Variants in CYP4F22 observed in about 807,000 individuals in gnomAD.
The protein encoded by CYP4F22 is cytochrome P450 family 4 subfamily F member 22, also known as ultra-long-chain fatty acid omega-hydroxylase.
Under a neutral mutation model 60.4 loss-of-function variants are expected in CYP4F22, and 37 were observed. The observed-to-expected ratio is 0.61, with a 90% CI of 0.47 to 0.81. The LOEUF (loss-of-function observed/expected upper bound fraction) is 0.81, where lower values mean the gene tolerates loss of function less well. Among genes scored for constraint, CYP4F22 ranks in the 30% least tolerant of loss-of-function variants. The pLI, the probability that CYP4F22 is intolerant of heterozygous loss-of-function variation, is 0.00. For missense variants in CYP4F22, 655 were observed against 715.0 expected (o/e 0.92, Z 0.96); for synonymous variants, 258 against 280.5 (o/e 0.92, Z 0.80).
intron 3 of CYP4F22, 132 bp from the exon 4 acceptor site, chr19:15,529,577 G>A (rs530903531): frequency 1.6e-6 from 2 of 1,258,246 alleles, no homozygotes; most frequent in South Asian, 1.3e-5. Flanking sequence ...CCAGGGAGGT[G>A]CAGCCAACTG....
Position 15,529,804 on chromosome 19 carries a change from G to A in CYP4F22, c.318G>A (p.Leu106=), listed in dbSNP as rs376599468. The A allele has an allele frequency of 1.9e-6, 3 of 1,614,046 alleles. No homozygotes were observed. Among genetic ancestry groups the A allele is most frequent in the African/African-American group, 1.3e-5 (1 of 74,904 alleles). ...TATGGATGGGACCTGTCCTGCCGCT[G>A]TTGGTTCTGGTGCACCCTGATTACA... The part of the protein sequence containing the change: ...LLVWMGPVLP[L]LVLVHPDYIK... The change falls in exon 4 of 14, where the codon CTG becomes CTA. Residue 106 remains leucine, a synonymous_variant. Transcript: ENST00000269703.
intron 12 of CYP4F22, among the ~76,000 whole-genome samples, chr19:15,550,250 G>T (rs573900942): frequency 2.6e-5 from 4 of 152,010 alleles, no homozygotes; most frequent in Non-Finnish European, 5.9e-5. Context: ...CTATGATCGC[G>T]CTTCTGCACT....
intron 1 of CYP4F22, among the ~76,000 whole-genome samples, chr19:15,514,249 G>A (rs941076696): frequency 6.6e-6 from 1 of 152,136 alleles, no homozygotes; most frequent in South Asian, 2.1e-4. Context: ...AAATGGTGCT[G>A]GGTTAGTCAA....
Position 15,548,145 on chromosome 19 carries a change from A to G in CYP4F22, c.1174A>G (p.Ile392Val). The change falls in exon 11 of 14, where the codon ATT becomes GTT. Residue 392 changes from isoleucine to valine, a missense_variant. By Grantham distance (29) the Ile-to-Val change is conservative (BLOSUM62 3). Coordinates refer to ENST00000269703, the MANE Select transcript of CYP4F22 (RefSeq NM_173483.4). The part of the protein sequence containing the change: ...LTQLPFTTMC[I>V]KESLRQYPPV... Reference sequence around the variant, plus strand: ...TCAGCTGCCCTTTACAACTATGTGCATTAAGGAGAGCCTGCGCCAGTACCC... The same window carrying G: ...TCAGCTGCCCTTTACAACTATGTGCGTTAAGGAGAGCCTGCGCCAGTACCC... 1 of 1,613,838 alleles carries G rather than the reference A, an allele frequency of 6.2e-7. No individual in the cohort carries two copies. Among genetic ancestry groups the G allele is most frequent in the Non-Finnish European group, 8.5e-7 (1 of 1,179,980 alleles).
intron 4 of CYP4F22, among the ~76,000 whole-genome samples, chr19:15,532,564 T>G (rs144185920): frequency 8.2e-4 from 124 of 151,814 alleles, no homozygotes; most frequent in Middle Eastern, 6.8e-3. Flanking sequence ...TTTTTTTCAG[T>G]AGAGACGGGG....
At chr19:15,526,732 T>C (rs959300184) in intron 3 of CYP4F22, among the ~76,000 whole-genome samples, 1 of 151,504 alleles carries the variant, frequency 6.6e-6, no homozygotes, top group Non-Finnish European at 1.5e-5. Flanking sequence ...CTAGATGAGA[T>C]AGGCTAGACT....
intron 3 of CYP4F22, among the ~76,000 whole-genome samples, chr19:15,526,140 G>C (rs141106124): frequency 5.9e-4 from 89 of 152,122 alleles, no homozygotes; most frequent in African/African-American, 2.1e-3. Flanking sequence ...ATTCTAGCCT[G>C]GGTGACCTAG....
intron 3 of CYP4F22, among the ~76,000 whole-genome samples, chr19:15,526,334 G>A (rs1218094390): frequency 6.6e-6 from 1 of 152,142 alleles, no homozygotes; most frequent in Non-Finnish European, 1.5e-5. Context: ...GTGGTCCTAG[G>A]TGAGGACTCT....
At chr19:15,543,091 A>G (rs184536173) in intron 8 of CYP4F22, among the ~76,000 whole-genome samples, 190 of 152,284 alleles carry the variant, frequency 1.2e-3, no homozygotes, top group African/African-American at 4.3e-3. Flanking sequence ...TGCTGGGTCA[A>G]GTGGTATTTC....
At chr19:15,544,962 G>GA (rs1971504373) in intron 10 of CYP4F22, among the ~76,000 whole-genome samples, 1 of 152,194 alleles carries the variant, frequency 6.6e-6, no homozygotes, top group South Asian at 2.1e-4. Context: ...TCGGGAGGCT[G>GA]AGACAGGAGA....
At chr19:15,541,335 C>T (rs557243953) in intron 8 of CYP4F22, among the ~76,000 whole-genome samples, 59 of 152,284 alleles carry the variant, frequency 3.9e-4, no homozygotes, top group Non-Finnish European at 6.5e-4. Context: ...GGCCTTGCTC[C>T]CTGGCTTGCA....
rs780704118 is a variant in CYP4F22 at position 15,537,563 on chromosome 19, C to G, written c.450C>G (p.Asp150Glu). Residue 150 changes from aspartate (D) to glutamate (E), a missense_variant, in exon 6 of 14, where the codon GAC becomes GAG. By Grantham distance (45) the Asp-to-Glu change is conservative (BLOSUM62 2). Around this residue, in one of 3 missense-constraint regions of CYP4F22, gnomAD observed 430 missense variants for 457.1 expected, o/e 0.94. Transcript: ENST00000269703. ...LGDGLLLSKGDKWSRHRRLLT... is the reference protein window; with the variant it reads ...LGDGLLLSKGEKWSRHRRLLT... ...ATGGGCTGCTGCTCAGCAAAGGTGA[C>G]AAGTGGAGCCGGCACCGTCGCCTGC... 4.3e-6 allele frequency: 7 copies of G among 1,614,184 alleles called. No homozygotes were observed. Among genetic ancestry groups the G allele is most frequent in the Non-Finnish European group, 5.9e-6 (7 of 1,180,038 alleles).
Position 15,509,895 on chromosome 19 carries a change from TCC to T in CYP4F22, c.-109+1313_-109+1314del, listed in dbSNP as rs1568350778. Among the ~76,000 whole-genome samples, 399 of 121,828 alleles carry T rather than the reference TCC, an allele frequency of 3.3e-3. 4 individuals carry two copies. Among genetic ancestry groups the T allele is most frequent in the East Asian group, 0.026 (91 of 3,456 alleles). The allele number at this position is 121,828 out of a possible 152,430, so 79.9% of individuals were successfully genotyped here. ...TTCCTTCCTTCCTTCCTTCCTTCCT[TCC>T]TTCCTTCCTTTCTTTCTTTCCTTCC... On this transcript the variant is annotated intron_variant, in intron 1 of 13. Transcript: ENST00000269703.
chr19:15,534,988 C>A (rs967099463), intron 4 of CYP4F22, among the ~76,000 whole-genome samples: 2 of 152,132 alleles, frequency 1.3e-5, no homozygotes, highest in African/African-American at 4.8e-5. Flanking sequence ...TGAACTTGTA[C>A]TTTATCCTGG....
At position 15,532,573 on chromosome 19, in the gene CYP4F22, G is replaced by A. The variant is rs562263459; in HGVS notation, c.367+2720G>A. 2.0e-4 allele frequency among the ~76,000 whole-genome samples: 30 copies of A among 151,944 alleles called. No individual in the cohort carries two copies. In the South Asian group the frequency reaches 6.3e-3, roughly 32 times the overall value. On this transcript the variant is annotated intron_variant, in intron 4 of 13. Transcript: ENST00000269703. Reference sequence around the variant, plus strand: ...TATTTTTTTTTTTCAGTAGAGACGGGGCTGCACCATATTGGCCAGGCTGGT... The same window carrying A: ...TATTTTTTTTTTTCAGTAGAGACGGAGCTGCACCATATTGGCCAGGCTGGT...
chr19:15,540,336 AG>A, intron 7 of CYP4F22, 113 bp from the exon 8 acceptor site: 1 of 1,257,896 alleles, frequency 7.9e-7, no homozygotes. Context: ...GAGTTAATAT[AG>A]GGCTTCTCTT....
At chr19:15,523,538 G>C (rs958094982) in intron 1 of CYP4F22, among the ~76,000 whole-genome samples, 155 bp from the exon 2 acceptor site, 1 of 152,148 alleles carries the variant, frequency 6.6e-6, no homozygotes, top group Non-Finnish European at 1.5e-5. Flanking sequence ...CATGAGGTTT[G>C]GGTGGGGACA....
chr19:15,530,445 T>C (rs774827129), intron 4 of CYP4F22, among the ~76,000 whole-genome samples: 1 of 152,184 alleles, frequency 6.6e-6, no homozygotes, highest in South Asian at 2.1e-4. Context: ...CCTAACCCTT[T>C]GGACCTGGGT....
chr19:15,520,223 A>G (rs966415850), intron 1 of CYP4F22, among the ~76,000 whole-genome samples: 8 of 151,586 alleles, frequency 5.3e-5, no homozygotes, highest in African/African-American at 1.4e-4. Flanking sequence ...GTGGGCGCCT[A>G]TAGTCCCAGC....
Sources: gnomAD v4.1 joint callset for allele counts (sites outside exome capture counted in the v4.1 genomes callset) on GRCh38, gnomAD v4.1.1 for gene constraint, gnomAD v4.1.1 regional missense constraint, MANE v1.5 for transcripts, NCBI Gene and HGNC (gene_info 2026-07-23, HGNC 2026-07-21) for gene names.